Variants in BBOF1 observed in about 807,000 individuals in gnomAD.
The protein encoded by BBOF1 is basal body orientation factor 1.
BBOF1 carries 62 observed loss-of-function variants against 68.0 expected under a neutral mutation model. The observed-to-expected ratio is 0.91, with a 90% CI of 0.74 to 1.13. The LOEUF is 1.13. BBOF1 is among the 50% of genes most tolerant of loss of function. The pLI is 0.00. For missense variants in BBOF1, 534 were observed against 600.1 expected (o/e 0.89, Z 1.15); for synonymous variants, 208 against 198.8 (o/e 1.05, Z -0.39).
At chr14:74,074,634 A>G (rs1184699316) in intron 9 of BBOF1, among the ~76,000 whole-genome samples, 2 of 152,140 alleles carry the variant, frequency 1.3e-5, no homozygotes, top group Non-Finnish European at 2.9e-5. Flanking sequence ...TTCTGTGTAG[A>G]AAGAATTTGA....
Position 74,060,811 on chromosome 14 carries a change from CT to C in BBOF1, c.1578+3557del, listed in dbSNP as rs200183157. 1,651 of 1,182,882 alleles carry C rather than the reference CT, an allele frequency of 1.4e-3. 27 individuals carry two copies. The African/African-American group carries it at 0.023, about 16-fold the overall frequency. The allele number at this position is 1,182,882 out of a possible 1,614,324, so 73.3% of individuals were successfully genotyped here. ...GTTTCATGATTCTTCTTTTAATTAG[CT>C]TTTGAAGGAGGTATTATAAAGTGCT... On this transcript the variant is annotated intron_variant, in intron 11 of 11. Transcript: ENST00000394009.
chr14:74,023,177 A>G, intron 2 of BBOF1, 33 bp downstream of exon 2: 5 of 1,257,812 alleles, frequency 4.0e-6, no homozygotes, highest in Non-Finnish European at 5.6e-6. Context: ...TGGCCTCATT[A>G]ACTACCTCTA....
At chr14:74,036,100 C>T (rs1055572788) in intron 4 of BBOF1, among the ~76,000 whole-genome samples, 1 of 151,480 alleles carries the variant, frequency 6.6e-6, no homozygotes, top group African/African-American at 2.4e-5. Flanking sequence ...CTATTGCCCA[C>T]GCTAGAGTGC....
intron 11 of BBOF1, among the ~76,000 whole-genome samples, chr14:74,064,278 A>G (rs2060417111): frequency 6.7e-6 from 1 of 148,660 alleles, no homozygotes; most frequent in African/African-American, 2.5e-5. Flanking sequence ...AGCCTGGGCA[A>G]CAGAGCGAGA....
At chr14:74,048,588 C>T (rs1295001243) in intron 7 of BBOF1, 1 of 152,230 alleles carries the variant, frequency 6.6e-6, no homozygotes, top group Non-Finnish European at 1.5e-5. Flanking sequence ...GAGCTCTAAC[C>T]ATTCCTTTAA....
intron 6 of BBOF1, among the ~76,000 whole-genome samples, chr14:74,047,407 CTTTA>C (rs61067400): frequency 0.029 from 4,277 of 145,558 alleles, 149 homozygotes; most frequent in African/African-American, 0.098. Context: ...TCCTTTTTCA[CTTTA>C]TTTATTTATT....
intron 9 of BBOF1, chr14:74,071,209 T>C: frequency 1.9e-6 from 3 of 1,614,188 alleles, no homozygotes; most frequent in Non-Finnish European, 2.5e-6. Flanking sequence ...ATGCTGTCCA[T>C]GGATGATGTT....
intron 9 of BBOF1, among the ~76,000 whole-genome samples, chr14:74,076,465 G>A (rs372140038): frequency 6.6e-6 from 1 of 151,820 alleles, no homozygotes; most frequent in East Asian, 1.9e-4. Context: ...GTGTTCAAGC[G>A]ATTCTCCTGC....
At chr14:74,070,247 A>C (rs1331704099), downstream of BBOF1, among the ~76,000 whole-genome samples, 2 of 151,942 alleles carry the variant, frequency 1.3e-5, no homozygotes, top group Admixed American at 1.3e-4. Flanking sequence ...GGCAAGGCAC[A>C]GTGGCTCACA....
At chr14:74,080,235 T>C (rs2060657196) in intron 10 of BBOF1, among the ~76,000 whole-genome samples, 1 of 152,122 alleles carries the variant, frequency 6.6e-6, no homozygotes, top group South Asian at 2.1e-4. Flanking sequence ...CAGTCTGTCC[T>C]AGAATTGTTT....
Position 74,062,051 on chromosome 14 carries a change from GAAAAAAAAAAA to G in BBOF1, c.1579-2618_1579-2608del, listed in dbSNP as rs369414700. Among the ~76,000 whole-genome samples, 193 of 59,624 alleles carry G rather than the reference GAAAAAAAAAAA, an allele frequency of 3.2e-3. 3 individuals are homozygous for G. The highest frequency in any genetic ancestry group is 0.016 in the Middle Eastern group (1 of 64). The allele number at this position is 59,624 out of a possible 152,430, so 39.1% of individuals were successfully genotyped here. A position where few individuals can be genotyped will look rare whatever the true frequency, so the allele number is the denominator to read the frequency against. Reference sequence around the variant, plus strand: ...CATGGCGAAACCTCGTCTCTACTGGGAAAAAAAAAAAAAAAAAAAAAAAAAAAAAGCTGGGC... The same window carrying G: ...CATGGCGAAACCTCGTCTCTACTGGGAAAAAAAAAAAAAAAAAAGCTGGGC... On this transcript the variant is annotated intron_variant, in intron 11 of 11. Coordinates refer to ENST00000394009, the MANE Select transcript of BBOF1 (RefSeq NM_025057.3).
At chr14:74,080,188 C>A (rs1248796941) in intron 10 of BBOF1, among the ~76,000 whole-genome samples, 2 of 152,050 alleles carry the variant, frequency 1.3e-5, no homozygotes, top group Non-Finnish European at 2.9e-5. Flanking sequence ...ATTCCAATTC[C>A]TCCCTCTCTC....
chr14:74,046,089 GAT>G lies in BBOF1; in HGVS notation c.608_609del (p.Ile203AsnfsTer10), dbSNP rs764713541. 6.2e-7 allele frequency: 1 copy of G among 1,609,098 alleles called. No individual in the cohort carries two copies. The highest frequency in any genetic ancestry group is 8.5e-7 in the Non-Finnish European group (1 of 1,177,774). On this transcript the variant is annotated frameshift_variant, in exon 6 of 12. Transcript: ENST00000394009. LOFTEE classifies it high-confidence loss of function. ...GACTAGAACAAGAGGCTGAAAAGAA[GAT>G]AATAATGCTAGCAGAGAGAGCCCAC... Reference protein sequence around the residue: ...HRLEQEAEKKIIMLAERAHHE... With the variant: ...HRLEQEAEKKXIMLAERAHHE...
chr14:74,032,040 G>A (rs936034495), intron 3 of BBOF1: 4 of 150,196 alleles, frequency 2.7e-5, no homozygotes, highest in Middle Eastern at 3.4e-3. Context: ...ATATTGTGCT[G>A]TTCTGTAATA....
At chr14:74,045,435 G>A (rs931750691) in intron 5 of BBOF1, among the ~76,000 whole-genome samples, 2 of 151,930 alleles carry the variant, frequency 1.3e-5, no homozygotes, top group Non-Finnish European at 2.9e-5. Context: ...TCAGCCTACC[G>A]AGAAGCTGGG....
chr14:74,065,336 C>T lies in BBOF1; in HGVS notation c.*637C>T. ...ACCACAAGAACTGGACCAAAAATCT[C>T]CTCTTTGTAACAGGTCATATTTGGC... On this transcript the variant is annotated 3_prime_UTR_variant, in exon 12 of 12. Transcript: ENST00000394009. The T allele has an allele frequency of 6.2e-7, 1 of 1,614,058 alleles. No individual in the cohort carries two copies. Among genetic ancestry groups the T allele is most frequent in the Non-Finnish European group, 8.5e-7 (1 of 1,179,998 alleles).
chr14:74,081,440 C>T (rs771827167), intron 12 of BBOF1, among the ~76,000 whole-genome samples: 5 of 152,140 alleles, frequency 3.3e-5, no homozygotes, highest in Non-Finnish European at 7.3e-5. Flanking sequence ...ATACAGCCTC[C>T]CTGCTGTTAA....
At chr14:74,059,778 C>T (rs930964814) in intron 11 of BBOF1, 9 of 158,092 alleles carry the variant, frequency 5.7e-5, no homozygotes, top group African/African-American at 1.7e-4. Flanking sequence ...AACCCTGAAA[C>T]TTAGTACTTG....
chr14:74,043,212 T>G (rs916810141), intron 5 of BBOF1, among the ~76,000 whole-genome samples: 2 of 152,088 alleles, frequency 1.3e-5, no homozygotes, highest in Non-Finnish European at 2.9e-5. Flanking sequence ...CTTTCTATTC[T>G]TTGAATCACA....
Sources: allele counts gnomAD v4.1 joint callset (sites outside exome capture counted in the v4.1 genomes callset), GRCh38; gene constraint gnomAD v4.1.1; transcripts MANE v1.5; gene names NCBI Gene and HGNC (gene_info 2026-07-23, HGNC 2026-07-21).